Variants in DZIP1 observed in about 807,000 individuals in gnomAD.
DZIP1 encodes the protein DAZ interacting zinc finger protein 1.
Under a neutral mutation model 107.6 loss-of-function variants are expected in DZIP1, and 97 were observed. The ratio of observed to expected loss-of-function variants is 0.90; its 90% confidence interval spans 0.77 to 1.07. DZIP1 has a LOEUF of 1.07. Among genes scored for constraint, DZIP1 ranks in the 50% least tolerant of loss-of-function variants. The probability of loss-of-function intolerance (pLI) is 0.00; values close to 1 mark genes in which losing one functional copy is unlikely to be tolerated. For synonymous variants in DZIP1, 390 were observed against 386.4 expected (o/e 1.01, Z -0.11); for missense variants, 1,035 against 1,063.6 (o/e 0.97, Z 0.37).
chr13:95,615,194 G>A (rs753573773), intron 10 of DZIP1, among the ~76,000 whole-genome samples: 2 of 152,102 alleles, frequency 1.3e-5, no homozygotes, highest in Admixed American at 1.3e-4. Flanking sequence ...ACAACTGTCC[G>A]TCTTTCTCTC....
chr13:95,630,735 A>T (rs1443942139), intron 6 of DZIP1: 25 of 1,275,172 alleles, frequency 2.0e-5, no homozygotes, highest in Non-Finnish European at 2.5e-5. Flanking sequence ...CACATGACTG[A>T]ATGGATGTAC....
chr13:95,612,126 C>G lies in DZIP1; in HGVS notation c.1225G>C (p.Ala409Pro). The G allele has an allele frequency of 6.2e-7, 1 of 1,613,436 alleles. No individual in the cohort carries two copies. The highest frequency in any genetic ancestry group is 1.1e-5 in the South Asian group (1 of 91,080). The change falls in exon 11 of 23, where the codon GCA becomes CCA. Residue 409 changes from alanine (A) to proline (P), a missense_variant. Ala to Pro is a conservative substitution (Grantham distance 27, BLOSUM62 -1). Coordinates refer to ENST00000376829, the MANE Select transcript of DZIP1 (RefSeq NM_198968.4). Reference sequence around the variant, plus strand: ...CTTTTCTTATAGAAAACATTGCTTGCATTTAGATCATCTATCATTGAGGTT... The same window carrying G: ...CTTTTCTTATAGAAAACATTGCTTGGATTTAGATCATCTATCATTGAGGTT... ...LRTSMIDDLN[A>P]SNVFYKKRIE... is the part of the protein sequence containing the mutation.
At chr13:95,630,724 A>G (rs1370001783) in intron 6 of DZIP1, 1 of 1,269,776 alleles carries the variant, frequency 7.9e-7, no homozygotes, top group Non-Finnish European at 1.0e-6. Context: ...ATGCAGATGT[A>G]CACATGACTG....
chr13:95,604,013 C>T (rs1252889013), intron 14 of DZIP1, among the ~76,000 whole-genome samples: 2 of 152,244 alleles, frequency 1.3e-5, no homozygotes, highest in Non-Finnish European at 2.9e-5. Flanking sequence ...CCCACCCCTG[C>T]CTCAGTGGAG....
chr13:95,598,981 C>A (rs892443902), intron 15 of DZIP1, among the ~76,000 whole-genome samples: 2 of 152,148 alleles, frequency 1.3e-5, no homozygotes, highest in African/African-American at 2.4e-5. Context: ...CAATTCATTT[C>A]AGATTAAGGG....
rs370736721 is a variant in DZIP1, at chr13:95,624,815, T to C, written c.925A>G (p.Met309Val). 5.0e-5 allele frequency: 80 copies of C among 1,610,018 alleles called. No individual in the cohort carries two copies. The highest frequency in any genetic ancestry group is 8.8e-5 in the South Asian group (8 of 90,766). ...DEMEKVKEMF[M>V]KEFKELTSKN... Reference sequence around the variant, plus strand: ...GAAGTTAATTCTTTAAATTCCTTCATAAACATCTCCTTGACTTTTTCCATT... The same window carrying C: ...GAAGTTAATTCTTTAAATTCCTTCACAAACATCTCCTTGACTTTTTCCATT... The change falls in exon 8 of 23, where the codon ATG becomes GTG. Residue 309 changes from methionine (M) to valine (V), a missense_variant. Physicochemically the swap from Met to Val is conservative, Grantham distance 21 (BLOSUM62 1). Transcript: ENST00000376829.
intron 8 of DZIP1, among the ~76,000 whole-genome samples, chr13:95,623,986 C>T (rs1209521933): frequency 2.0e-5 from 3 of 146,924 alleles, no homozygotes; most frequent in African/African-American, 7.5e-5. Flanking sequence ...ATGTCAGAGG[C>T]CATTCAAAAA....
chr13:95,632,996 C>T (rs531576438), intron 6 of DZIP1, among the ~76,000 whole-genome samples: 9 of 152,290 alleles, frequency 5.9e-5, no homozygotes, highest in African/African-American at 2.2e-4. Context: ...GTCTCCTCAA[C>T]CCCCTTTAGA....
At chr13:95,592,277 G>A (rs2044330250) in intron 16 of DZIP1, among the ~76,000 whole-genome samples, 1 of 152,032 alleles carries the variant, frequency 6.6e-6, no homozygotes, top group African/African-American at 2.4e-5. Context: ...AAAAAAGAAT[G>A]TTTTAATAAT....
chr13:95,590,007 A>G (rs1420518563), intron 17 of DZIP1, 75 bp from the exon 18 acceptor site: 2 of 1,525,024 alleles, frequency 1.3e-6, no homozygotes, highest in East Asian at 2.3e-5. Flanking sequence ...AAACGGTATA[A>G]TACCCCCTAT....
intron 7 of DZIP1, among the ~76,000 whole-genome samples, chr13:95,628,527 C>T (rs780177616): frequency 4.6e-5 from 7 of 152,102 alleles, no homozygotes; most frequent in Non-Finnish European, 7.3e-5. Flanking sequence ...ATACACTAAA[C>T]GCTACTGGAT....
At chr13:95,635,290 A>G in intron 5 of DZIP1, among the ~76,000 whole-genome samples, 1 of 149,152 alleles carries the variant, frequency 6.7e-6, no homozygotes, top group Non-Finnish European at 1.5e-5. Context: ...TTAACCTCCC[A>G]GGTTCAAGCG....
At chr13:95,616,506 A>T (rs1875090880) in intron 10 of DZIP1, among the ~76,000 whole-genome samples, 1 of 152,226 alleles carries the variant, frequency 6.6e-6, no homozygotes, top group Non-Finnish European at 1.5e-5. Context: ...CTTCACTCAG[A>T]GGGCCAATGA....
intron 21 of DZIP1, among the ~76,000 whole-genome samples, chr13:95,585,575 C>T (rs2044139207): frequency 6.6e-6 from 1 of 152,160 alleles, no homozygotes; most frequent in African/African-American, 2.4e-5. Flanking sequence ...AATGTTTGGG[C>T]TTCTTCTCTA....
chr13:95,620,989 T>C (rs750699983), intron 9 of DZIP1, among the ~76,000 whole-genome samples: 6 of 152,078 alleles, frequency 3.9e-5, no homozygotes, highest in Non-Finnish European at 7.4e-5. Flanking sequence ...TAAAAGAAGA[T>C]AAAAAGACAG....
chr13:95,626,705 A>T (rs1014069521), intron 7 of DZIP1, among the ~76,000 whole-genome samples: 2 of 152,262 alleles, frequency 1.3e-5, no homozygotes, highest in Non-Finnish European at 2.9e-5. Flanking sequence ...TGCAAAAAGC[A>T]GCTATATTTC....
intron 5 of DZIP1, among the ~76,000 whole-genome samples, chr13:95,635,186 T>G (rs1692823360): frequency 6.8e-6 from 1 of 146,986 alleles, no homozygotes; most frequent in African/African-American, 2.5e-5. Flanking sequence ...AAACTAACAT[T>G]CTGCATATTT....
chr13:95,599,207 C>A, intron 15 of DZIP1, 158 bp downstream of exon 15: 1 of 603,482 alleles, frequency 1.7e-6, no homozygotes, highest in Non-Finnish European at 2.9e-6. Flanking sequence ...AATAGGATAA[C>A]AGGATACTCT....
intron 13 of DZIP1, among the ~76,000 whole-genome samples, chr13:95,607,227 A>G (rs1441349082): frequency 6.6e-6 from 1 of 152,086 alleles, no homozygotes; most frequent in Non-Finnish European, 1.5e-5. Flanking sequence ...TTGTATTTTT[A>G]GTAGAGACAG....
Sources: allele counts gnomAD v4.1 joint callset (sites outside exome capture counted in the v4.1 genomes callset), GRCh38; gene constraint gnomAD v4.1.1; transcripts MANE v1.5; gene names NCBI Gene and HGNC (gene_info 2026-07-23, HGNC 2026-07-21).